Variants in SPATA13 observed in about 807,000 individuals in gnomAD.
SPATA13 encodes spermatogenesis associated 13, also known as spermatogenesis-associated protein 13.
A neutral mutation model predicts 104.0 loss-of-function variants in SPATA13; 50 were observed. The ratio of observed to expected loss-of-function variants is 0.48; its 90% CI spans 0.38 to 0.61. The LOEUF (loss-of-function observed/expected upper bound fraction) is 0.61. Among genes scored for constraint, SPATA13 ranks in the 20% least tolerant of loss-of-function variants. The pLI is 0.00. For synonymous variants in SPATA13, 606 were observed against 667.5 expected (o/e 0.91, Z 1.42); for missense variants, 1,524 against 1,690.6 (o/e 0.90, Z 1.73).
intron 5 of SPATA13, among the ~76,000 whole-genome samples, chr13:24,285,086 T>C (rs951850195): frequency 2.6e-5 from 4 of 152,106 alleles, no homozygotes; most frequent in Admixed American, 2.6e-4. Flanking sequence ...GCATAACTCC[T>C]TAGTGAGTCA....
intron 2 of SPATA13, among the ~76,000 whole-genome samples, chr13:24,226,392 T>C (rs933450553): frequency 2.6e-5 from 4 of 152,226 alleles, no homozygotes; most frequent in Non-Finnish European, 4.4e-5. Flanking sequence ...TTAAAGAGAT[T>C]TTTATGATGG....
intron 4 of SPATA13, among the ~76,000 whole-genome samples, chr13:24,261,773 T>G (rs1378202993): frequency 1.3e-5 from 2 of 151,556 alleles, no homozygotes; most frequent in Non-Finnish European, 1.5e-5. Context: ...CTTCGTGCCC[T>G]TAAAAAAAAA....
At chr13:24,151,223 A>T (rs1882091837) in intron 3 of SPATA13, among the ~76,000 whole-genome samples, 1 of 152,206 alleles carries the variant, frequency 6.6e-6, no homozygotes, top group Non-Finnish European at 1.5e-5. Flanking sequence ...GATTGTGGGC[A>T]TGCGTCCTTC....
intron 2 of SPATA13, among the ~76,000 whole-genome samples, chr13:23,987,001 C>CTGTGTGTGTGTGTGTGTGTGTG (rs113990315): frequency 7.1e-6 from 1 of 141,426 alleles, no homozygotes; most frequent in African/African-American, 2.7e-5. Context: ...ATGGATATAT[C>CTGTGTGTGTGTGTGTGTGTGTG]TGTGTGTGTG....
chr13:24,095,573 T>C (rs1168716129), intron 3 of SPATA13, among the ~76,000 whole-genome samples: 1 of 152,188 alleles, frequency 6.6e-6, no homozygotes, highest in African/African-American at 2.4e-5. Context: ...ATGGTAAATA[T>C]GTATATTTTG....
intron 2 of SPATA13, among the ~76,000 whole-genome samples, chr13:24,002,846 G>A (rs1876043062): frequency 5.3e-5 from 8 of 152,200 alleles, no homozygotes; most frequent in Admixed American, 5.2e-4. Context: ...CCCATACACA[G>A]TGTTGTAAAA....
chr13:24,107,882 A>C (rs996274664), intron 3 of SPATA13, among the ~76,000 whole-genome samples: 1 of 152,212 alleles, frequency 6.6e-6, no homozygotes, highest in Non-Finnish European at 1.5e-5. Context: ...GCTCACTCGC[A>C]CTATTCTGGT....
At chr13:23,991,587 A>G (rs575461728) in intron 2 of SPATA13, among the ~76,000 whole-genome samples, 26 of 152,248 alleles carry the variant, frequency 1.7e-4, no homozygotes, top group African/African-American at 6.0e-4. Context: ...TGTCTTTGCT[A>G]TTACTGCCTT....
rs946422670 is a variant in SPATA13, at chr13:24,295,455, A to G, written c.3210+587A>G. Among the ~76,000 whole-genome samples the G allele has an allele frequency of 2.2e-4, 34 of 152,020 alleles. No homozygotes were observed. In the South Asian group the frequency reaches 6.2e-3, roughly 28 times the overall value. On this transcript the variant is annotated intron_variant, in intron 10 of 12. Transcript: ENST00000382108. ...GCAAGACCCCATCTCTACAAAAAGT[A>G]AAAAAAATCAGCCAGGCATGGTGGC...
chr13:24,126,241 C>A (rs1046734394), intron 3 of SPATA13, among the ~76,000 whole-genome samples: 1 of 152,126 alleles, frequency 6.6e-6, no homozygotes, highest in African/African-American at 2.4e-5. Context: ...CGGCTGTGAC[C>A]CATGATTGAG....
intron 2 of SPATA13, among the ~76,000 whole-genome samples, chr13:23,989,450 C>T (rs1220858758): frequency 1.3e-5 from 2 of 151,950 alleles, no homozygotes; most frequent in African/African-American, 4.8e-5. Flanking sequence ...CTCAAGTTAT[C>T]TTTTAAAAGT....
intron 3 of SPATA13, among the ~76,000 whole-genome samples, chr13:24,037,401 A>T (rs9578670): frequency 2.0e-4 from 1 of 5,018 alleles, no homozygotes; most frequent in East Asian, 1.1e-3. Context: ...CTCGACTAAT[A>T]CTTTATTTAT....
intron 4 of SPATA13, among the ~76,000 whole-genome samples, chr13:24,259,402 G>T (rs1243921396): frequency 6.6e-6 from 1 of 152,232 alleles, no homozygotes; most frequent in African/African-American, 2.4e-5. Flanking sequence ...TTCTGCACAG[G>T]ATTGAGGCTG....
chr13:24,163,528 A>G (rs898171102), intron 1 of SPATA13, among the ~76,000 whole-genome samples: 3 of 152,158 alleles, frequency 2.0e-5, no homozygotes, highest in Non-Finnish European at 4.4e-5. Flanking sequence ...TGACTGTATG[A>G]GTCTTATTTA....
chr13:24,296,520 C>T (rs1282631915), intron 10 of SPATA13, among the ~76,000 whole-genome samples: 1 of 152,168 alleles, frequency 6.6e-6, no homozygotes, highest in Admixed American at 6.5e-5. Context: ...AATTTATCGT[C>T]TGGCCTTTTG....
At chr13:24,140,717 G>A (rs1881735260) in intron 3 of SPATA13, among the ~76,000 whole-genome samples, 1 of 152,214 alleles carries the variant, frequency 6.6e-6, no homozygotes, top group South Asian at 2.1e-4. Flanking sequence ...AAAGAGCCAA[G>A]AATGTTAGTA....
At chr13:24,278,547 G>T in intron 4 of SPATA13, 1 of 1,150,224 alleles carries the variant, frequency 8.7e-7, no homozygotes, top group Non-Finnish European at 1.1e-6. Flanking sequence ...CAAAGTGCTG[G>T]GATTACAAGC....
intron 3 of SPATA13, chr13:24,122,371 T>G (rs1407974491): frequency 6.4e-7 from 1 of 1,565,014 alleles, no homozygotes; most frequent in East Asian, 2.3e-5. Context: ...AGGGTTATCT[T>G]CATCATCAAT....
chr13:24,050,677 G>C (rs893455594), intron 3 of SPATA13, among the ~76,000 whole-genome samples: 1 of 152,196 alleles, frequency 6.6e-6, no homozygotes, highest in Non-Finnish European at 1.5e-5. Flanking sequence ...TTCCAATGCA[G>C]GGATGTGGAG....
Sources: allele counts gnomAD v4.1 joint callset (sites outside exome capture counted in the v4.1 genomes callset), GRCh38; gene constraint gnomAD v4.1.1; transcripts MANE v1.5; gene names NCBI Gene and HGNC (gene_info 2026-07-23, HGNC 2026-07-21).